Variants in PACRG observed in about 807,000 individuals in gnomAD.
The protein encoded by PACRG is parkin coregulated.
Under a neutral mutation model 29.7 loss-of-function variants are expected in PACRG, and 29 were observed. That is an observed-to-expected ratio of 0.98 (90% confidence interval 0.73 to 1.33). The LOEUF is 1.33. Among genes scored for constraint, PACRG ranks in the 40% most tolerant of loss-of-function variants. The pLI is 0.00. For missense variants in PACRG, 279 were observed against 316.2 expected (o/e 0.88, Z 0.89); for synonymous variants, 116 against 118.7 (o/e 0.98, Z 0.15).
chr6:163,163,324 T>G (rs1157692508), intron 4 of PACRG, among the ~76,000 whole-genome samples: 1 of 152,164 alleles, frequency 6.6e-6, no homozygotes, highest in African/African-American at 2.4e-5. Flanking sequence ...CAGGCTGGAG[T>G]GCAGTGGCAT....
intron 1 of PACRG, among the ~76,000 whole-genome samples, chr6:162,791,402 C>A (rs1407311905): frequency 6.9e-6 from 1 of 144,380 alleles, no homozygotes; most frequent in East Asian, 2.1e-4. Context: ...ATTCTCCTTT[C>A]CTTCTCTACC....
intron 1 of PACRG, among the ~76,000 whole-genome samples, chr6:162,792,997 G>A (rs1319093213): frequency 6.6e-6 from 1 of 152,146 alleles, no homozygotes; most frequent in African/African-American, 2.4e-5. Context: ...GGAACAGTAG[G>A]CTGGGGCTCA....
intron 2 of PACRG, among the ~76,000 whole-genome samples, chr6:162,875,335 GCA>G (rs1793239009): frequency 7.1e-6 from 1 of 141,144 alleles, no homozygotes; most frequent in African/African-American, 2.7e-5. Context: ...ACACAGACAT[GCA>G]CACACAGTCA....
At chr6:163,188,265 T>C (rs1022373219) in intron 4 of PACRG, among the ~76,000 whole-genome samples, 1 of 152,208 alleles carries the variant, frequency 6.6e-6, no homozygotes, top group African/African-American at 2.4e-5. Flanking sequence ...ATAGTCATCT[T>C]TTACCAAATG....
At chr6:162,806,954 C>T (rs2128348980) in intron 1 of PACRG, among the ~76,000 whole-genome samples, 1 of 152,306 alleles carries the variant, frequency 6.6e-6, no homozygotes, top group South Asian at 2.1e-4. Context: ...CATCATTTAT[C>T]TTAGGTAGAT....
intron 2 of PACRG, among the ~76,000 whole-genome samples, chr6:162,915,186 T>C (rs1796619524): frequency 6.6e-6 from 1 of 152,054 alleles, no homozygotes; most frequent in African/African-American, 2.4e-5. Flanking sequence ...GAGGAATTTC[T>C]TACTATTCCT....
chr6:162,860,003 A>C (rs1791724138), intron 2 of PACRG, among the ~76,000 whole-genome samples: 2 of 151,468 alleles, frequency 1.3e-5, no homozygotes, highest in South Asian at 2.1e-4. Context: ...TTTCTCCCCT[A>C]CAAGAGTAAT....
At chr6:162,963,509 C>A (rs892406846) in intron 2 of PACRG, among the ~76,000 whole-genome samples, 2 of 150,972 alleles carry the variant, frequency 1.3e-5, no homozygotes, top group Non-Finnish European at 3.0e-5. Flanking sequence ...CTATTTGTGT[C>A]TATATAAATA....
chr6:162,762,356 G>A (rs1238706183), intron 1 of PACRG, among the ~76,000 whole-genome samples: 2 of 152,122 alleles, frequency 1.3e-5, no homozygotes, highest in African/African-American at 4.8e-5. Context: ...TCTCTTCTGT[G>A]GAACAAACAT....
At chr6:162,809,545 C>T (rs1006614396) in intron 1 of PACRG, among the ~76,000 whole-genome samples, 1 of 152,102 alleles carries the variant, frequency 6.6e-6, no homozygotes, top group African/African-American at 2.4e-5. Context: ...GCCTTCTAAG[C>T]TTTGTTAGAA....
intron 2 of PACRG, among the ~76,000 whole-genome samples, chr6:162,871,768 A>G (rs1480447913): frequency 2.0e-5 from 3 of 152,022 alleles, no homozygotes; most frequent in Non-Finnish European, 4.4e-5. Context: ...AATACAAAAA[A>G]TTAGCTGGGC....
chr6:163,205,795 T>C (rs1226085138), intron 4 of PACRG, among the ~76,000 whole-genome samples: 1 of 151,970 alleles, frequency 6.6e-6, no homozygotes, highest in African/African-American at 2.4e-5. Context: ...TGGGAGGAAA[T>C]ATTTCCAAAC....
chr6:162,969,659 T>C (rs1266135362), intron 2 of PACRG, among the ~76,000 whole-genome samples: 1 of 152,160 alleles, frequency 6.6e-6, no homozygotes, highest in African/African-American at 2.4e-5. Context: ...TTCCTTTCCT[T>C]AAAACCCTGA....
chr6:162,940,181 T>C (rs180798120), intron 2 of PACRG, among the ~76,000 whole-genome samples: 33 of 152,314 alleles, frequency 2.2e-4, no homozygotes, highest in Admixed American at 1.9e-3. Context: ...AGGGGTGCCC[T>C]GATATGCTCA....
At chr6:162,765,646 C>G (rs1477750808) in intron 1 of PACRG, among the ~76,000 whole-genome samples, 1 of 152,100 alleles carries the variant, frequency 6.6e-6, no homozygotes, top group African/African-American at 2.4e-5. Context: ...TCTAGAAGAG[C>G]TATTAAGATT....
At chr6:162,781,662 ATG>A (rs1334585420) in intron 1 of PACRG, among the ~76,000 whole-genome samples, 1 of 151,844 alleles carries the variant, frequency 6.6e-6, no homozygotes, top group East Asian at 1.9e-4. Context: ...AGGTTTTTAT[ATG>A]TGTGTGTGAG....
At chr6:162,982,717 G>A (rs540844497) in intron 2 of PACRG, among the ~76,000 whole-genome samples, 123 of 151,976 alleles carry the variant, frequency 8.1e-4, no homozygotes, top group African/African-American at 2.3e-3. Flanking sequence ...TTGTTTTGTG[G>A]CCTATCATAT....
chr6:163,280,771 T>A (rs4709689), intron 4 of PACRG, among the ~76,000 whole-genome samples: 2 of 151,956 alleles, frequency 1.3e-5, no homozygotes, highest in Non-Finnish European at 2.9e-5. Flanking sequence ...TGGCACCTCC[T>A]TATAAGAACA....
At chr6:162,950,282 G>A (rs9458677) in intron 2 of PACRG, among the ~76,000 whole-genome samples, 18,616 of 152,058 alleles carry the variant, frequency 0.12, 1,670 homozygotes, top group East Asian at 0.26. Context: ...TGGATCGTGA[G>A]GTCAGGAGAT....
Sources: allele counts gnomAD v4.1 joint callset (sites outside exome capture counted in the v4.1 genomes callset), GRCh38; gene constraint gnomAD v4.1.1; transcripts MANE v1.5; gene names NCBI Gene and HGNC (gene_info 2026-07-23, HGNC 2026-07-21).